ACTR3C: variants seen among roughly 807,000 people sequenced by gnomAD.
ACTR3C encodes actin-related protein 3C.
A neutral mutation model predicts 26.3 loss-of-function variants in ACTR3C; 18 were observed. The observed-to-expected ratio is 0.68, with a 90% confidence interval of 0.47 to 1.01. The LOEUF (loss-of-function observed/expected upper bound fraction) is 1.01. Ranked by LOEUF, ACTR3C falls within the 50% of genes least tolerant of loss-of-function variation. The pLI is 0.00. For missense variants in ACTR3C, 184 were observed against 250.7 expected, an observed-to-expected ratio of 0.73 and a Z score of 1.80; for synonymous variants, 55 against 94.5, an observed-to-expected ratio of 0.58 and a Z score of 2.42.
At chr7:149,887,916 G>A in the ACTR3C span, among the ~76,000 whole-genome samples, 9 of 152,198 alleles carry the variant, frequency 5.9e-5, no homozygotes, top group Admixed American at 3.9e-4. Context: ...TCTTGCCGCT[G>A]CCATGTAAGA....
intron 3 of ACTR3C, among the ~76,000 whole-genome samples, chr7:150,291,722 A>C (rs1192337218): frequency 6.6e-6 from 1 of 152,038 alleles, no homozygotes; most frequent in Non-Finnish European, 1.5e-5. Flanking sequence ...CCAGGGGCCT[A>C]CGGGGGCCTC....
chr7:150,220,972 G>A, the ACTR3C span, among the ~76,000 whole-genome samples: 9 of 152,286 alleles, frequency 5.9e-5, no homozygotes, highest in Non-Finnish European at 2.9e-5. Context: ...AAATCTTCCC[G>A]GGATGGTCGG....
chr7:150,064,581 T>G, the ACTR3C span, among the ~76,000 whole-genome samples: 1 of 138,006 alleles, frequency 7.2e-6, no homozygotes, highest in Non-Finnish European at 1.6e-5. Context: ...AAAAAAAAAG[T>G]AGAGAAAAGC....
chr7:149,940,131 C>T, the ACTR3C span, among the ~76,000 whole-genome samples: 9 of 152,134 alleles, frequency 5.9e-5, no homozygotes, highest in Non-Finnish European at 1.2e-4. Context: ...CATGGGTTAT[C>T]TATCTACCTA....
At chr7:150,032,994 C>T in the ACTR3C span, among the ~76,000 whole-genome samples, 21 of 152,160 alleles carry the variant, frequency 1.4e-4, no homozygotes, top group African/African-American at 2.6e-4. Context: ...CACAGAAGAG[C>T]GTAGCAGGGA....
chr7:150,071,332 G>C, the ACTR3C span, among the ~76,000 whole-genome samples: 1 of 149,580 alleles, frequency 6.7e-6, no homozygotes, highest in South Asian at 2.1e-4. Context: ...CACCATGTTA[G>C]CCAGGATGGT....
the ACTR3C span, among the ~76,000 whole-genome samples, chr7:150,145,469 A>T: frequency 6.7e-6 from 1 of 149,864 alleles, no homozygotes; most frequent in Non-Finnish European, 1.5e-5. Flanking sequence ...AACAGGCAGC[A>T]CCAGGGTCGT....
At chr7:150,173,043 G>C in the ACTR3C span, among the ~76,000 whole-genome samples, 2 of 149,604 alleles carry the variant, frequency 1.3e-5, no homozygotes, top group African/African-American at 2.6e-5. Flanking sequence ...TTTTCCAGGT[G>C]AACGGTGCAA....
the ACTR3C span, among the ~76,000 whole-genome samples, chr7:150,228,897 T>G: frequency 0.27 from 39,926 of 149,306 alleles, 6,678 homozygotes; most frequent in African/African-American, 0.48. Flanking sequence ...TATATATATA[T>G]AGAGAGAGTG....
At chr7:150,199,732 A>AC in the ACTR3C span, among the ~76,000 whole-genome samples, 1 of 134,538 alleles carries the variant, frequency 7.4e-6, no homozygotes, top group Non-Finnish European at 1.5e-5. Flanking sequence ...TATCAAAAAA[A>AC]AAAAAAAAAA....
chr7:150,166,063 A>G, the ACTR3C span, among the ~76,000 whole-genome samples: 1 of 151,682 alleles, frequency 6.6e-6, no homozygotes. Context: ...TGTGTGATGC[A>G]CCCAAATATT....
the ACTR3C span, among the ~76,000 whole-genome samples, chr7:150,016,655 G>A: frequency 6.6e-6 from 1 of 152,122 alleles, no homozygotes. Context: ...TGTGTTCCAT[G>A]AAAGGTGAAC....
intron 1 of ACTR3C, among the ~76,000 whole-genome samples, chr7:150,308,940 A>T (rs1014838925): frequency 2.6e-5 from 4 of 152,180 alleles, no homozygotes; most frequent in Non-Finnish European, 5.9e-5. Context: ...CAAGAATTCC[A>T]ATATTTGACT....
chr7:149,974,112 T>C, the ACTR3C span, among the ~76,000 whole-genome samples: 3 of 106,946 alleles, frequency 2.8e-5, no homozygotes, highest in Admixed American at 9.8e-5. Flanking sequence ...GTCAGTCTAA[T>C]AACCTAAAGA....
At chr7:149,950,344 C>A in the ACTR3C span, among the ~76,000 whole-genome samples, 1 of 146,090 alleles carries the variant, frequency 6.8e-6, no homozygotes, top group Non-Finnish European at 1.5e-5. Context: ...CCAGCTGCTG[C>A]GAGACGGGGG....
At chr7:149,928,878 G>A in the ACTR3C span, among the ~76,000 whole-genome samples, 5 of 151,942 alleles carry the variant, frequency 3.3e-5, no homozygotes. Flanking sequence ...GAACATGGGA[G>A]TCAGCCTGAA....
At chr7:149,992,274 T>C in the ACTR3C span, among the ~76,000 whole-genome samples, 11 of 152,254 alleles carry the variant, frequency 7.2e-5, no homozygotes, top group African/African-American at 2.7e-4. Flanking sequence ...TGTTTTGATA[T>C]GTCATGGGAT....
the ACTR3C span, among the ~76,000 whole-genome samples, chr7:150,016,982 A>G: frequency 6.6e-6 from 1 of 152,122 alleles, no homozygotes; most frequent in Non-Finnish European, 1.5e-5. Context: ...GGTGGATTGA[A>G]GTCTGAGATG....
chr7:149,992,835 G>C, the ACTR3C span, among the ~76,000 whole-genome samples: 5 of 152,296 alleles, frequency 3.3e-5, no homozygotes, highest in South Asian at 8.3e-4. Flanking sequence ...CTGCAAGCTC[G>C]GGAAGAGAGA....
Sources: allele counts gnomAD v4.1 joint callset (sites outside exome capture counted in the v4.1 genomes callset), GRCh38; gene constraint gnomAD v4.1.1; transcripts MANE v1.5; gene names NCBI Gene and HGNC (gene_info 2026-07-23, HGNC 2026-07-21).